ALK: variants seen among roughly 807,000 people sequenced by gnomAD.
ALK encodes the protein ALK receptor tyrosine kinase.
Under a neutral mutation model 163.1 loss-of-function variants are expected in ALK, and 74 were observed. That is an observed-to-expected ratio of 0.45 (90% confidence interval 0.38 to 0.55). The LOEUF (loss-of-function observed/expected upper bound fraction) is 0.55, where lower values mean the gene tolerates loss of function less well. Among genes scored for constraint, ALK ranks in the 20% least tolerant of loss-of-function variants. The probability of loss-of-function intolerance (pLI) is 0.00; values close to 1 mark genes in which losing one functional copy is unlikely to be tolerated. For missense variants in ALK, 2,063 were observed against 2,105.3 expected, an observed-to-expected ratio of 0.98 and a Z score of 0.39; for synonymous variants, 960 against 843.2, an observed-to-expected ratio of 1.14 and a Z score of -2.40.
At chr2:29,625,905 T>C (rs2001915) in intron 3 of ALK, among the ~76,000 whole-genome samples, 97,293 of 152,118 alleles carry the variant, frequency 0.64, 32,077 homozygotes, top group Middle Eastern at 0.75. Context: ...TCCACTGAGG[T>C]CTTTATGCTT....
intron 4 of ALK, among the ~76,000 whole-genome samples, chr2:29,436,500 A>C (rs1327274255): frequency 6.6e-6 from 1 of 152,178 alleles, no homozygotes; most frequent in East Asian, 1.9e-4. Context: ...CATTTTCATT[A>C]GCCCCTTTAA....
intron 4 of ALK, among the ~76,000 whole-genome samples, chr2:29,403,709 C>CAAAATAAAAAAAA (rs1669506610): frequency 1.3e-5 from 1 of 74,184 alleles, no homozygotes; most frequent in Non-Finnish European, 2.2e-5. Context: ...CAGGTCTCTA[C>CAAAATAAAAAAAA]AAAAAAAAAA....
chr2:29,250,977 G>A, intron 12 of ALK, 128 bp downstream of exon 12: 3 of 879,626 alleles, frequency 3.4e-6, no homozygotes, highest in Non-Finnish European at 3.5e-6. Flanking sequence ...TACCCCCTAT[G>A]GGCCTGAGTC....
intron 3 of ALK, among the ~76,000 whole-genome samples, chr2:29,588,810 A>G (rs1674964979): frequency 2.0e-5 from 3 of 152,224 alleles, no homozygotes; most frequent in Admixed American, 2.0e-4. Context: ...CATGTGTCAC[A>G]AAATAGTTTT....
Position 29,588,937 on chromosome 2 carries a change from T to C in ALK, c.953-56821A>G, listed in dbSNP as rs141744436. ...CTGTTTCAGCACCTTACTGAATGCA[T>C]TGGGTACTGGTGAACAAGCCCCTCG... On this transcript the variant is annotated intron_variant, in intron 3 of 28. Transcript: ENST00000389048. Among the ~76,000 whole-genome samples, 161 of 152,290 alleles carry C rather than the reference T, an allele frequency of 1.1e-3. 1 individual carries two copies. Among genetic ancestry groups the C allele is most frequent in the African/African-American group, 3.7e-3 (152 of 41,562 alleles).
In ALK at chr2:29,214,190, G is replaced by A. The variant is rs970735129; in HGVS notation, c.3646-109C>T. 3 of 900,914 alleles carry A rather than the reference G, an allele frequency of 3.3e-6. No homozygotes were observed. In the Admixed American group the frequency reaches 5.9e-5, roughly 18 times the overall value. 55.8% of individuals were successfully genotyped at this position (900,914 alleles called of 1,614,324 possible). A position where few individuals can be genotyped will look rare whatever the true frequency, so the allele number is the denominator to read the frequency against. ...CAAGGAGGCAGACCGTGAACATGCA[G>A]CTACACCAGGGGCCTCGGCCCTGGC... On this transcript the variant is annotated intron_variant, in intron 23 of 28. Coordinates refer to ENST00000389048, the MANE Select transcript of ALK (RefSeq NM_004304.5).
intron 9 of ALK, among the ~76,000 whole-genome samples, chr2:29,290,410 A>G (rs980347973): frequency 2.6e-5 from 4 of 152,236 alleles, no homozygotes; most frequent in Non-Finnish European, 4.4e-5. Flanking sequence ...GCAGAGGGTC[A>G]GTAGGCGAGT....
intron 1 of ALK, among the ~76,000 whole-genome samples, chr2:29,837,277 T>C (rs974876628): frequency 5.9e-5 from 9 of 152,202 alleles, no homozygotes; most frequent in Non-Finnish European, 2.9e-5. Flanking sequence ...AAACATGGTC[T>C]TGCTGAGGCC....
chr2:29,879,529 C>T (rs1666803093), intron 1 of ALK, among the ~76,000 whole-genome samples: 1 of 152,202 alleles, frequency 6.6e-6, no homozygotes, highest in South Asian at 2.1e-4. Context: ...CTTTAGGCAT[C>T]AGACACCTCC....
At chr2:29,691,703 C>A (rs1357922960) in intron 3 of ALK, among the ~76,000 whole-genome samples, 1 of 152,090 alleles carries the variant, frequency 6.6e-6, no homozygotes, top group Non-Finnish European at 1.5e-5. Flanking sequence ...TCCCCCCCTT[C>A]TTTTTTGTTT....
At chr2:29,847,705 ATTCATTCATTCG>A (rs869265335) in intron 1 of ALK, among the ~76,000 whole-genome samples, 78 of 151,940 alleles carry the variant, frequency 5.1e-4, no homozygotes, top group African/African-American at 1.8e-3. Flanking sequence ...GCATTCATTC[ATTCATTCATTCG>A]TTTATAAACT....
intron 4 of ALK, among the ~76,000 whole-genome samples, chr2:29,393,068 C>A (rs910250874): frequency 6.6e-6 from 1 of 152,142 alleles, no homozygotes; most frequent in Non-Finnish European, 1.5e-5. Flanking sequence ...ACTAAGTGTT[C>A]AAGGTTACTG....
At chr2:29,437,181 T>C (rs1670422689) in intron 4 of ALK, among the ~76,000 whole-genome samples, 1 of 152,158 alleles carries the variant, frequency 6.6e-6, no homozygotes, top group African/African-American at 2.4e-5. Flanking sequence ...GCCTCCCAAC[T>C]TCTTTCCCCC....
chr2:29,333,202 G>A (rs544307835), intron 5 of ALK, among the ~76,000 whole-genome samples: 3 of 152,188 alleles, frequency 2.0e-5, no homozygotes, highest in African/African-American at 4.8e-5. Flanking sequence ...GGCAACCTCC[G>A]CCTCCTGGGT....
chr2:29,785,244 G>A (rs1306560073), intron 1 of ALK, among the ~76,000 whole-genome samples: 3 of 152,042 alleles, frequency 2.0e-5, no homozygotes, highest in Non-Finnish European at 1.5e-5. Flanking sequence ...GGACAGTTCT[G>A]TCCCAGGCAC....
intron 19 of ALK, 63 bp from the exon 20 acceptor site, chr2:29,223,591 C>A (rs2148171416): frequency 6.4e-7 from 1 of 1,556,628 alleles, no homozygotes; most frequent in South Asian, 1.1e-5. Flanking sequence ...ACTACACAGG[C>A]CACTTCCTAC....
At chr2:29,795,311 A>C (rs1664279957) in intron 1 of ALK, among the ~76,000 whole-genome samples, 1 of 152,214 alleles carries the variant, frequency 6.6e-6, no homozygotes, top group African/African-American at 2.4e-5. Context: ...TTTTTAAATA[A>C]TATGCAGTTC....
chr2:29,238,668 T>A (rs1276513264), intron 13 of ALK, among the ~76,000 whole-genome samples: 1 of 152,150 alleles, frequency 6.6e-6, no homozygotes, highest in South Asian at 2.1e-4. Flanking sequence ...CGAAGACCAG[T>A]CACTCTCCCC....
In ALK at chr2:29,496,632, A is replaced by G. The variant is rs185281137; in HGVS notation, c.1154+35283T>C. Among the ~76,000 whole-genome samples the G allele has an allele frequency of 9.2e-5, 14 of 152,342 alleles. 1 individual carries two copies. The East Asian group carries it at 2.5e-3, about 27-fold the overall frequency. On this transcript the variant is annotated intron_variant, in intron 4 of 28. Coordinates refer to ENST00000389048, the MANE Select transcript of ALK (RefSeq NM_004304.5). ...CCTTCTCCTAGCTTCATAATAAAGC[A>G]ATCATATATAAGTTTATGAAAATCA...
Sources: allele counts gnomAD v4.1 joint callset (sites outside exome capture counted in the v4.1 genomes callset), GRCh38; gene constraint gnomAD v4.1.1; transcripts MANE v1.5; gene names NCBI Gene and HGNC (gene_info 2026-07-23, HGNC 2026-07-21).